Variants in DMXL2 observed in about 807,000 individuals in gnomAD.
DMXL2 encodes the protein dmX-like protein 2.
Under a neutral mutation model 331.1 loss-of-function variants are expected in DMXL2, and 103 were observed. The ratio of observed to expected loss-of-function variants is 0.31; its 90% CI spans 0.27 to 0.37. The LOEUF (loss-of-function observed/expected upper bound fraction) is 0.37. DMXL2 is among the 10% of genes least tolerant of loss of function. The pLI, the probability that DMXL2 is intolerant of heterozygous loss-of-function variation, is 1.00. For synonymous variants in DMXL2, 1,281 were observed against 1,252.1 expected, an observed-to-expected ratio of 1.02 and a Z score of -0.49; for missense variants, 3,171 against 3,642.9, an observed-to-expected ratio of 0.87 and a Z score of 3.33.
At position 51,450,530 on chromosome 15, in the gene DMXL2, A is replaced by G. The variant is rs1006458110; in HGVS notation, c.8750-184T>C. ...TTAAAGAAAAATGTTAAGCAATGTC[A>G]GAACAAACTTTTTATCCATAATCTC... is the stretch of plus-strand genomic sequence containing the variant. On this transcript the variant is annotated intron_variant, in intron 42 of 43. Transcript: ENST00000560891. The G allele has an allele frequency of 1.1e-5, 7 of 619,840 alleles. No individual in the cohort carries two copies. The African/African-American group carries it at 1.3e-4, about 11-fold the overall frequency. 38.4% of individuals were successfully genotyped at this position (619,840 alleles called of 1,614,324 possible). A position where few individuals can be genotyped will look rare whatever the true frequency, so the allele number is the denominator to read the frequency against.
In DMXL2 at chr15:51,514,460, ATAT is replaced by A. The variant is rs1311302576; in HGVS notation, c.2623_2625del (p.Ile875del). On this transcript the variant is annotated inframe_deletion, in exon 15 of 44. Transcript: ENST00000560891. ...AAAGTACCTTGTGATGGCTGAAAAA[ATAT>A]TTCTGTTTCCTTTTTCTCCATATCT... 6.4e-7 allele frequency: 1 copy of A among 1,564,974 alleles called. No homozygotes were observed. Among genetic ancestry groups the A allele is most frequent in the Non-Finnish European group, 8.7e-7 (1 of 1,148,748 alleles).
At chr15:51,617,244 C>G (rs558195461) in intron 1 of DMXL2, among the ~76,000 whole-genome samples, 186 of 152,210 alleles carry the variant, frequency 1.2e-3, no homozygotes, top group African/African-American at 4.3e-3. Context: ...AGAACAGAAA[C>G]TAAAATAAAG....
chr15:51,620,678 G>T (rs532930675), intron 1 of DMXL2, among the ~76,000 whole-genome samples: 1 of 152,314 alleles, frequency 6.6e-6, no homozygotes, highest in African/African-American at 2.4e-5. Context: ...ATACCAATAA[G>T]ATTGTAAAAT....
At chr15:51,455,331 G>A (rs2039526899) in intron 39 of DMXL2, 103 bp from the exon 40 acceptor site, 1 of 928,876 alleles carries the variant, frequency 1.1e-6, no homozygotes. Flanking sequence ...TAAACATTCT[G>A]CCTCTAACTA....
chr15:51,596,530 T>A (rs991329657), intron 1 of DMXL2, among the ~76,000 whole-genome samples: 2 of 152,180 alleles, frequency 1.3e-5, no homozygotes, highest in Non-Finnish European at 2.9e-5. Context: ...TCAGGGATCT[T>A]GAACTAGAAA....
intron 8 of DMXL2, among the ~76,000 whole-genome samples, chr15:51,543,650 A>C (rs1394146234): frequency 6.6e-6 from 1 of 152,222 alleles, no homozygotes; most frequent in African/African-American, 2.4e-5. Flanking sequence ...AATTATATAG[A>C]ACTAACAGTA....
chr15:51,504,594 A>G (rs145182307), intron 16 of DMXL2, among the ~76,000 whole-genome samples: 10 of 152,350 alleles, frequency 6.6e-5, no homozygotes, highest in African/African-American at 1.9e-4. Context: ...TACATCTCAA[A>G]GAGCACCAGA....
intron 1 of DMXL2, among the ~76,000 whole-genome samples, chr15:51,614,559 G>A (rs545815441): frequency 8.9e-4 from 136 of 152,164 alleles, no homozygotes; most frequent in African/African-American, 2.0e-3. Context: ...TGCCTTCATC[G>A]TATAAAATTG....
chr15:51,606,983 C>T (rs2053630965), intron 1 of DMXL2, among the ~76,000 whole-genome samples: 1 of 152,046 alleles, frequency 6.6e-6, no homozygotes, highest in Non-Finnish European at 1.5e-5. Context: ...CATGGCGAAA[C>T]CCTGTCCCTA....
At chr15:51,483,511 C>A (rs893548408) in intron 23 of DMXL2, among the ~76,000 whole-genome samples, 2 of 152,200 alleles carry the variant, frequency 1.3e-5, no homozygotes, top group Admixed American at 1.3e-4. Flanking sequence ...CCAGGGTGAA[C>A]CTGCCCTTGA....
rs1283254939 is a variant in DMXL2, at chr15:51,486,357, T to C, written c.5218-20A>G. 3 of 1,464,624 alleles carry C rather than the reference T, an allele frequency of 2.0e-6. No homozygotes were observed. The highest frequency in any genetic ancestry group is 2.8e-6 in the Non-Finnish European group (3 of 1,062,182). 90.7% of individuals were successfully genotyped at this position (1,464,624 alleles called of 1,614,324 possible). A position where few individuals can be genotyped will look rare whatever the true frequency, so the allele number is the denominator to read the frequency against. Reference sequence around the variant, plus strand: ...ACATACCTGCAAATTTAAATATTAATACTTATCTTACTTAATGATAATTAT... The same window carrying C: ...ACATACCTGCAAATTTAAATATTAACACTTATCTTACTTAATGATAATTAT... On this transcript the variant is annotated intron_variant, in intron 22 of 43. Transcript: ENST00000560891.
chr15:51,541,180 A>G (rs1013762380), intron 9 of DMXL2, among the ~76,000 whole-genome samples: 8 of 152,182 alleles, frequency 5.3e-5, no homozygotes, highest in Non-Finnish European at 1.2e-4. Context: ...AATATAAGCA[A>G]AACAACATTT....
At position 51,537,691 on chromosome 15, in the gene DMXL2, C is replaced by T. The variant is rs764904353; in HGVS notation, c.1414G>A (p.Gly472Arg). Reference sequence around the variant, plus strand: ...AGTCGTGAGTAAGTTCTAGGACTTCCTTCTCTTTCTCCATCTTCATGTTCT... The same window carrying T: ...AGTCGTGAGTAAGTTCTAGGACTTCTTTCTCTTTCTCCATCTTCATGTTCT... ...SSEHEDGERE[G>R]SPRTYSRLSV... Residue 472 changes from glycine to arginine, a missense_variant, in exon 11 of 44, where the codon GGA becomes AGA. By Grantham distance (125) the Gly-to-Arg change is moderately radical. Around this residue, in one of 7 missense-constraint regions of DMXL2, gnomAD observed 1,674 missense variants for 1,780.2 expected, o/e 0.94. Transcript: ENST00000560891. 1 of 1,613,734 alleles carries T rather than the reference C, an allele frequency of 6.2e-7. No individual in the cohort carries two copies. Among genetic ancestry groups the T allele is most frequent in the South Asian group, 1.1e-5 (1 of 91,070 alleles).
intron 23 of DMXL2, among the ~76,000 whole-genome samples, chr15:51,485,519 T>C (rs2042329778): frequency 6.6e-6 from 1 of 152,188 alleles, no homozygotes; most frequent in Admixed American, 6.5e-5. Context: ...TGCATCTTAC[T>C]TTTTTTCACT....
rs2054739494 is a variant in DMXL2 at position 51,622,701 on chromosome 15, T to A, written c.-156A>T. On this transcript the variant is annotated 5_prime_UTR_variant, in exon 1 of 44. Transcript: ENST00000560891. ...CTCCTCGCCCCCCTTTCGCCTTCCC[T>A]CCGCCTCGTCCCTGCCATGGGAGCT... The A allele has an allele frequency of 7.3e-6, 10 of 1,369,964 alleles. 1 individual carries two copies. In the South Asian group the frequency reaches 1.5e-4, roughly 21 times the overall value. The allele number at this position is 1,369,964 out of a possible 1,614,324, so 84.9% of individuals were successfully genotyped here.
intron 1 of DMXL2, among the ~76,000 whole-genome samples, chr15:51,588,473 C>T (rs1026876050): frequency 1.3e-5 from 2 of 152,146 alleles, no homozygotes; most frequent in African/African-American, 4.8e-5. Context: ...CTGCCACACC[C>T]AGCCACAATA....
chr15:51,466,114 T>TTTA, intron 30 of DMXL2, 70 bp downstream of exon 30: 1 of 1,192,418 alleles, frequency 8.4e-7, no homozygotes, highest in Non-Finnish European at 1.2e-6. Context: ...TATTTAAAAT[T>TTTA]AATAACATTG....
chr15:51,559,421 A>G (rs2049809169), intron 6 of DMXL2, among the ~76,000 whole-genome samples: 1 of 152,358 alleles, frequency 6.6e-6, no homozygotes, highest in East Asian at 1.9e-4. Flanking sequence ...ATGCACTTTA[A>G]AACTACAAGG....
intron 15 of DMXL2, 141 bp from the exon 16 acceptor site, chr15:51,507,394 T>C (rs1434991608): frequency 6.5e-6 from 5 of 772,274 alleles, no homozygotes; most frequent in Admixed American, 3.3e-5. Context: ...AGGAGTTTTA[T>C]ATAATTTTTG....
Sources: gnomAD v4.1 joint callset for allele counts (sites outside exome capture counted in the v4.1 genomes callset) on GRCh38, gnomAD v4.1.1 for gene constraint, gnomAD v4.1.1 regional missense constraint, MANE v1.5 for transcripts, NCBI Gene and HGNC (gene_info 2026-07-23, HGNC 2026-07-21) for gene names.